The following MAP3K2 variants were observed in gnomAD, a reference collection of about 807,000 sequenced individuals.
MAP3K2 encodes the protein MAP/ERK kinase kinase 2.
MAP3K2 carries 24 observed loss-of-function variants against 80.3 expected under a neutral mutation model. The observed-to-expected ratio is 0.30, with a 90% CI of 0.22 to 0.42. The LOEUF is 0.42. MAP3K2 is among the 10% of genes least tolerant of loss of function. The pLI, the probability that MAP3K2 is intolerant of heterozygous loss-of-function variation, is 1.00. For synonymous variants in MAP3K2, 244 were observed against 253.7 expected (o/e 0.96, Z 0.36); for missense variants, 608 against 750.1 (o/e 0.81, Z 2.21).
chr2:127,300,886 G>C lies in MAP3K2; in HGVS notation c.*6693C>G, dbSNP rs1242234097. ...AAGAATACATCAAATCCATTTTGTA[G>C]TCTATCTAATAGAGTTTAAGGTGTA... On this transcript the variant is annotated 3_prime_UTR_variant, in exon 17 of 17. Coordinates refer to ENST00000682094, the MANE Select transcript of MAP3K2 (RefSeq NM_001371910.2). 2 of 152,128 alleles carry C rather than the reference G, an allele frequency of 1.3e-5. No homozygotes were observed. The highest frequency in any genetic ancestry group is 4.8e-5 in the African/African-American group (2 of 41,436). The allele number at this position is 152,128 out of a possible 1,614,324, so 9.4% of individuals were successfully genotyped here.
chr2:127,324,157 A>G lies in MAP3K2; in HGVS notation c.745+17T>C, dbSNP rs1378816614. On this transcript the variant is annotated intron_variant, in intron 10 of 16. Coordinates refer to ENST00000682094, the MANE Select transcript of MAP3K2 (RefSeq NM_001371910.2). ...ATGACATAAACATTTAAACATTTAG[A>G]ATTTATAAAGTCTAACCTGAAAATT... The G allele has an allele frequency of 6.7e-7, 1 of 1,495,776 alleles. No individual in the cohort carries two copies. Among genetic ancestry groups the G allele is most frequent in the South Asian group, 1.3e-5 (1 of 76,542 alleles). The allele number at this position is 1,495,776 out of a possible 1,614,324, so 92.7% of individuals were successfully genotyped here. A position where few individuals can be genotyped will look rare whatever the true frequency, so the allele number is the denominator to read the frequency against.
intron 1 of MAP3K2, among the ~76,000 whole-genome samples, chr2:127,376,274 C>G (rs1687149038): frequency 7.4e-6 from 1 of 134,262 alleles, no homozygotes; most frequent in Non-Finnish European, 1.5e-5. Flanking sequence ...GACCTTGGAA[C>G]CTGGCCTTTA....
intron 1 of MAP3K2, among the ~76,000 whole-genome samples, chr2:127,379,375 A>T (rs1029882867): frequency 3.9e-5 from 6 of 152,186 alleles, no homozygotes; most frequent in Admixed American, 2.6e-4. Flanking sequence ...AACCTCATTT[A>T]AAAACCCCAT....
At position 127,326,728 on chromosome 2, in the gene MAP3K2, T is replaced by C; in HGVS notation, c.556A>G (p.Ile186Val). 1 of 1,606,826 alleles carries C rather than the reference T, an allele frequency of 6.2e-7. No homozygotes were observed. Among genetic ancestry groups the C allele is most frequent in the Non-Finnish European group, 8.5e-7 (1 of 1,176,448 alleles). ...QVARNGSFTS[I>V]NSEGEFIPES... The stretch of plus-strand genomic sequence containing the variant: ...GGAATGAACTCTCCTTCACTGTTGA[T>C]ACTAGTGAATGACCCATTCCGGGCA... Residue 186 changes from isoleucine to valine, a missense_variant, in exon 8 of 17, where the codon ATC (isoleucine) becomes GTC (valine). By Grantham distance (29) the Ile-to-Val change is conservative. Coordinates refer to ENST00000682094, the MANE Select transcript of MAP3K2 (RefSeq NM_001371910.2).
chr2:127,301,773 T>C lies in MAP3K2; in HGVS notation c.*5806A>G, dbSNP rs887343998. 6.6e-6 allele frequency: 1 copy of C among 152,230 alleles called. No individual in the cohort carries two copies. Among genetic ancestry groups the C allele is most frequent in the Non-Finnish European group, 1.5e-5 (1 of 68,036 alleles). The allele number at this position is 152,230 out of a possible 1,614,324, so 9.4% of individuals were successfully genotyped here. A position where few individuals can be genotyped will look rare whatever the true frequency, so the allele number is the denominator to read the frequency against. On this transcript the variant is annotated 3_prime_UTR_variant, in exon 17 of 17. Coordinates refer to ENST00000682094, the MANE Select transcript of MAP3K2 (RefSeq NM_001371910.2). ...AGATAAAATCTATTCTTTTCTTTAC[T>C]GTAGCTATGACTCCTCCCTCATCTT...
chr2:127,321,479 T>A lies in MAP3K2; in HGVS notation c.1045+567A>T, dbSNP rs1343784034. On this transcript the variant is annotated intron_variant, in intron 12 of 16. Coordinates refer to ENST00000682094, the MANE Select transcript of MAP3K2 (RefSeq NM_001371910.2). The surrounding 1 kb of genome is among the most constrained non-coding windows in gnomAD (Gnocchi z 4.4). ...TATGCAAATAGTGCTGCAATAAACA[T>A]CTTTGAACATGAATCTTTGTATGCA... Among the ~76,000 whole-genome samples the A allele has an allele frequency of 6.6e-6, 1 of 152,162 alleles. No homozygotes were observed. Among genetic ancestry groups the A allele is most frequent in the Non-Finnish European group, 1.5e-5 (1 of 68,018 alleles).
intron 1 of MAP3K2, among the ~76,000 whole-genome samples, chr2:127,383,874 ATTT>A (rs111243354): frequency 0.013 from 1,851 of 141,364 alleles, 12 homozygotes; most frequent in Middle Eastern, 0.043. Context: ...GCAACAAATA[ATTT>A]TTTTTTTTTT....
chr2:127,319,522 C>T (rs1358288380), intron 12 of MAP3K2, among the ~76,000 whole-genome samples: 2 of 151,684 alleles, frequency 1.3e-5, no homozygotes, highest in Non-Finnish European at 2.9e-5. Context: ...AAAGAAAGGC[C>T]AAGGCTGGGC....
At chr2:127,368,392 G>C (rs1282298351) in intron 1 of MAP3K2, among the ~76,000 whole-genome samples, 1 of 152,078 alleles carries the variant, frequency 6.6e-6, no homozygotes, top group Non-Finnish European at 1.5e-5. Flanking sequence ...GGAGGCTGAG[G>C]CGGGCAGATC....
chr2:127,369,389 T>C (rs1401004961), intron 1 of MAP3K2, among the ~76,000 whole-genome samples: 1 of 144,674 alleles, frequency 6.9e-6, no homozygotes, highest in African/African-American at 2.5e-5. Flanking sequence ...TCCCAGCACT[T>C]TGGGAGGCCG....
intron 5 of MAP3K2, among the ~76,000 whole-genome samples, chr2:127,333,575 G>C (rs1417681820): frequency 6.6e-6 from 1 of 152,076 alleles, no homozygotes; most frequent in Non-Finnish European, 1.5e-5. Context: ...CATTTGGTTT[G>C]GGACAATATG....
At chr2:127,355,487 G>A (rs897866179) in intron 1 of MAP3K2, among the ~76,000 whole-genome samples, 3 of 152,102 alleles carry the variant, frequency 2.0e-5, no homozygotes, top group Non-Finnish European at 4.4e-5. Flanking sequence ...AGTCTATTAA[G>A]TGTGCAATGG....
At chr2:127,375,414 A>ATTT (rs775429874) in intron 1 of MAP3K2, among the ~76,000 whole-genome samples, 10 of 123,092 alleles carry the variant, frequency 8.1e-5, no homozygotes, top group African/African-American at 2.0e-4. Flanking sequence ...TTATTTATTT[A>ATTT]TTTATTTTTT....
chr2:127,309,037 T>C (rs1479592222), intron 15 of MAP3K2, among the ~76,000 whole-genome samples: 1 of 151,460 alleles, frequency 6.6e-6, no homozygotes, highest in Non-Finnish European at 1.5e-5. Context: ...GAGGTGGGGG[T>C]GAAGAGGAGG....
intron 1 of MAP3K2, among the ~76,000 whole-genome samples, chr2:127,359,630 A>G (rs1351088129): frequency 6.6e-6 from 1 of 152,172 alleles, no homozygotes; most frequent in Admixed American, 6.5e-5. Context: ...GTAAGCCCCA[A>G]TGCTGCAGCC....
chr2:127,368,301 G>A (rs1238201104), intron 1 of MAP3K2, among the ~76,000 whole-genome samples: 6 of 146,420 alleles, frequency 4.1e-5, no homozygotes, highest in Non-Finnish European at 1.5e-5. Flanking sequence ...CAGCCTGGGT[G>A]ACAGAACAAG....
At chr2:127,380,432 G>A (rs1687226319) in intron 1 of MAP3K2, among the ~76,000 whole-genome samples, 1 of 152,048 alleles carries the variant, frequency 6.6e-6, no homozygotes, top group Non-Finnish European at 1.5e-5. Flanking sequence ...CACACAAATG[G>A]AAAAAATTCC....
chr2:127,338,056 T>C (rs182787264), intron 3 of MAP3K2, among the ~76,000 whole-genome samples: 2 of 152,314 alleles, frequency 1.3e-5, no homozygotes, highest in African/African-American at 2.4e-5. Context: ...GATCCTGTTA[T>C]GGGAAATACA....
chr2:127,347,654 C>T (rs546019605), intron 1 of MAP3K2, among the ~76,000 whole-genome samples: 1 of 152,200 alleles, frequency 6.6e-6, no homozygotes, highest in African/African-American at 2.4e-5. Flanking sequence ...TTTAAGATAG[C>T]AATACTCCCA....
Sources: gnomAD v4.1 joint callset for allele counts (sites outside exome capture counted in the v4.1 genomes callset) on GRCh38, gnomAD v4.1.1 for gene constraint, Gnocchi (gnomAD v3.1) non-coding constraint, MANE v1.5 for transcripts, NCBI Gene and HGNC (gene_info 2026-07-23, HGNC 2026-07-21) for gene names.